NDRG2: variants seen among roughly 807,000 people sequenced by gnomAD.
NDRG2 encodes the protein protein NDRG2.
Under a neutral mutation model 58.2 loss-of-function variants are expected in NDRG2, and 34 were observed. The observed-to-expected ratio is 0.58, with a 90% CI of 0.44 to 0.78. The LOEUF (loss-of-function observed/expected upper bound fraction) is 0.78. NDRG2 is among the 30% of genes least tolerant of loss of function. The pLI is 0.00. For synonymous variants in NDRG2, 187 were observed against 175.9 expected, an observed-to-expected ratio of 1.06 and a Z score of -0.50; for missense variants, 434 against 471.2, an observed-to-expected ratio of 0.92 and a Z score of 0.73.
chr14:21,061,386 G>A (rs1885951819), intron 1 of NDRG2, among the ~76,000 whole-genome samples: 1 of 152,204 alleles, frequency 6.6e-6, no homozygotes, highest in Non-Finnish European at 1.5e-5. Flanking sequence ...ACCTGGGTAG[G>A]AGTTTCTGAC....
chr14:21,019,694 T>A lies in NDRG2; in HGVS notation c.661A>T (p.Ile221Phe). ...TTATCCAGGTTGGGTGCATGTGTAA[T>A]GATATTTCTGTACTTTTGTATCAAC... ...SELIQKYRNI[I>F]THAPNLDNIE... The change falls in exon 10 of 16, where the codon ATT becomes TTT. Residue 221 changes from isoleucine (I) to phenylalanine (F), a missense_variant. Ile to Phe is a conservative substitution (Grantham distance 21). Coordinates refer to ENST00000556147, the MANE Select transcript of NDRG2 (RefSeq NM_001320329.2). 6.2e-7 allele frequency: 1 copy of A among 1,613,988 alleles called. No individual in the cohort carries two copies.
chr14:21,021,838 G>A lies in NDRG2; in HGVS notation c.386C>T (p.Pro129Leu), dbSNP rs969899618. 11 of 1,613,312 alleles carry A rather than the reference G, an allele frequency of 6.8e-6. No homozygotes were observed. The highest frequency in any genetic ancestry group is 5.3e-5 in the African/African-American group (4 of 74,984). Residue 129 changes from proline (P) to leucine (L), a missense_variant, in exon 6 of 16, where the codon CCT (proline) becomes CTT (leucine). Pro to Leu is a moderately conservative substitution (Grantham distance 98, BLOSUM62 -3). Coordinates refer to ENST00000556147, the MANE Select transcript of NDRG2 (RefSeq NM_001320329.2). Reference protein sequence around the residue: ...PSLDQLADMIPCVLQYLNFST... With the variant: ...PSLDQLADMILCVLQYLNFST... ...TCACTTTAGGTACTGCAGGACGCAAGGGATCATGTCTGCAAGCTGGTCCAG... is the reference window on the plus strand; with the variant it reads ...TCACTTTAGGTACTGCAGGACGCAAAGGATCATGTCTGCAAGCTGGTCCAG...
At chr14:21,058,074 C>T (rs750510073) in intron 1 of NDRG2, 2 of 1,614,048 alleles carry the variant, frequency 1.2e-6, no homozygotes, top group Non-Finnish European at 1.7e-6. Flanking sequence ...AATAAGTACA[C>T]AGAACGGTGC....
At chr14:21,041,354 G>A (rs143204654) in intron 1 of NDRG2, among the ~76,000 whole-genome samples, 263 of 152,234 alleles carry the variant, frequency 1.7e-3, no homozygotes, top group Non-Finnish European at 2.5e-3. Flanking sequence ...GTAGATGCTC[G>A]ATAAATGTTT....
intron 1 of NDRG2, among the ~76,000 whole-genome samples, chr14:21,054,913 T>C (rs1447953330): frequency 6.6e-6 from 1 of 152,150 alleles, no homozygotes; most frequent in African/African-American, 2.4e-5. Flanking sequence ...AATTAAATGA[T>C]GCTTGGTAGC....
chr14:21,018,188 C>T lies in NDRG2; in HGVS notation c.897+16G>A, dbSNP rs201741712. ...CTATGTCCCTTCCCCATCCCATGGA[C>T]GGCAGCGGCACTCACCTGAGTCAGC... On this transcript the variant is annotated intron_variant, in intron 14 of 15. Transcript: ENST00000556147. The T allele has an allele frequency of 3.2e-4, 523 of 1,613,748 alleles. 1 individual carries two copies. The African/African-American group carries it at 5.5e-3, about 17-fold the overall frequency.
intron 1 of NDRG2, among the ~76,000 whole-genome samples, chr14:21,069,538 T>G (rs1370659585): frequency 6.6e-6 from 1 of 152,156 alleles, no homozygotes; most frequent in Non-Finnish European, 1.5e-5. Context: ...TGCACGCCCC[T>G]ACATAAGCAT....
At chr14:21,049,205 T>C (rs1411200214) in intron 1 of NDRG2, among the ~76,000 whole-genome samples, 1 of 152,214 alleles carries the variant, frequency 6.6e-6, no homozygotes, top group African/African-American at 2.4e-5. Context: ...TCCTGAGATA[T>C]TTAAATTAGT....
intron 1 of NDRG2, among the ~76,000 whole-genome samples, chr14:21,041,776 T>C (rs1051646403): frequency 2.6e-5 from 4 of 152,236 alleles, no homozygotes; most frequent in Admixed American, 2.0e-4. Flanking sequence ...CCTTGGTTGG[T>C]ACCTGGAACT....
Position 21,037,379 on chromosome 14 carries a change from G to A in NDRG2, c.25-14058C>T, listed in dbSNP as rs376412010. Among the ~76,000 whole-genome samples the A allele has an allele frequency of 5.1e-4, 77 of 152,290 alleles. No individual in the cohort carries two copies. In the East Asian group the frequency reaches 7.3e-3, roughly 15 times the overall value. On this transcript the variant is annotated intron_variant, in intron 1 of 14. Transcript: ENST00000403829. Reference sequence around the variant, plus strand: ...AGTGGGATTGTTACCCCATTACACCGGGTTTTACATACACAAGCATTTCCC... The same window carrying A: ...AGTGGGATTGTTACCCCATTACACCAGGTTTTACATACACAAGCATTTCCC...
At chr14:21,063,021 T>G (rs1033865914) in intron 1 of NDRG2, among the ~76,000 whole-genome samples, 1 of 151,426 alleles carries the variant, frequency 6.6e-6, no homozygotes, top group Non-Finnish European at 1.5e-5. Flanking sequence ...TTCCAGCTAC[T>G]GGGGATGCTG....
At chr14:21,060,891 G>C (rs1463598255) in intron 1 of NDRG2, among the ~76,000 whole-genome samples, 4 of 152,310 alleles carry the variant, frequency 2.6e-5, no homozygotes, top group Non-Finnish European at 5.9e-5. Context: ...TACCTCAAGA[G>C]GACATAAAAG....
intron 1 of NDRG2, among the ~76,000 whole-genome samples, chr14:21,050,056 A>T (rs984246841): frequency 6.6e-6 from 1 of 152,200 alleles, no homozygotes; most frequent in Non-Finnish European, 1.5e-5. Context: ...ATTACAGGTG[A>T]GCCACTGTGC....
At chr14:21,064,299 C>T (rs1886132993) in intron 1 of NDRG2, among the ~76,000 whole-genome samples, 1 of 146,244 alleles carries the variant, frequency 6.8e-6, no homozygotes, top group African/African-American at 2.5e-5. Flanking sequence ...CACTTGATGC[C>T]TTTTTTTTTT....
chr14:21,032,000 C>T lies in NDRG2; in HGVS notation c.25-8679G>A, dbSNP rs145774307. 9.0e-5 allele frequency: 145 copies of T among 1,613,980 alleles called. No individual in the cohort carries two copies. Among genetic ancestry groups the T allele is most frequent in the Middle Eastern group, 3.3e-4 (2 of 6,082 alleles). On this transcript the variant is annotated intron_variant, in intron 1 of 14. Coordinates refer to the NDRG2 transcript ENST00000403829. ...TGGCAAGGGCAAGGGCATTGCGGGA[C>T]GGGAAGAGATGACTGACAACACAGG...
chr14:21,028,058 T>G (rs1262556744), upstream of NDRG2, among the ~76,000 whole-genome samples: 1 of 152,100 alleles, frequency 6.6e-6, no homozygotes, highest in Non-Finnish European at 1.5e-5. Context: ...GTTTAGTGAG[T>G]TGCCCAAGTC....
chr14:21,042,824 C>A, intron 1 of NDRG2: 1 of 620,222 alleles, frequency 1.6e-6, no homozygotes, highest in Non-Finnish European at 2.8e-6. Context: ...TGGATGTGGA[C>A]ACACAGAAGA....
At chr14:21,029,792 T>A (rs552162542), upstream of NDRG2, among the ~76,000 whole-genome samples, 1 of 152,112 alleles carries the variant, frequency 6.6e-6, no homozygotes, top group Admixed American at 6.5e-5. Context: ...GAAGGTGCCA[T>A]CTATGGACCG....
chr14:21,018,784 T>A lies in NDRG2; in HGVS notation c.792A>T (p.Gln264His), dbSNP rs949620178. The part of the protein sequence containing the change: ...RCPVMLVVGD[Q>H]APHEDAVVEC... ...TAACCACTGCATCTTCATGAGGTGC[T>A]TGGTCTCCTACCACCAGCATCACAG... Residue 264 changes from glutamine (Q) to histidine (H), a missense_variant, in exon 12 of 16, where the codon CAA becomes CAT. Coordinates refer to ENST00000556147, the MANE Select transcript of NDRG2 (RefSeq NM_001320329.2). The A allele has an allele frequency of 6.2e-7, 1 of 1,614,036 alleles. No individual in the cohort carries two copies. The highest frequency in any genetic ancestry group is 1.3e-5 in the African/African-American group (1 of 74,906).
Sources: gnomAD v4.1 joint callset for allele counts (sites outside exome capture counted in the v4.1 genomes callset) on GRCh38, gnomAD v4.1.1 for gene constraint, MANE v1.5 for transcripts, NCBI Gene and HGNC (gene_info 2026-07-23, HGNC 2026-07-21) for gene names.